Variants in MAN2B2 observed in about 807,000 individuals in gnomAD.
MAN2B2 encodes the protein mannosidase alpha class 2B member 2, also known as epididymis-specific alpha-mannosidase.
MAN2B2 carries 106 observed loss-of-function variants against 117.1 expected under a neutral mutation model. The observed-to-expected ratio is 0.90, with a 90% CI of 0.77 to 1.06. The LOEUF is 1.06. Ranked by LOEUF, MAN2B2 falls within the 50% of genes least tolerant of loss-of-function variation. MAN2B2 has a pLI of 0.00. For missense variants in MAN2B2, 1,326 were observed against 1,381.4 expected, an observed-to-expected ratio of 0.96 and a Z score of 0.64; for synonymous variants, 544 against 595.1, an observed-to-expected ratio of 0.91 and a Z score of 1.25.
chr4:6,587,654 G>A (rs1726686716), intron 4 of MAN2B2, among the ~76,000 whole-genome samples: 3 of 152,006 alleles, frequency 2.0e-5, no homozygotes, highest in Admixed American at 6.5e-5. Context: ...GCCCTTGGGA[G>A]TCCCAGGCCT....
At chr4:6,594,845 T>C in intron 7 of MAN2B2, 113 bp downstream of exon 7, 1 of 1,159,868 alleles carries the variant, frequency 8.6e-7, no homozygotes, top group Non-Finnish European at 1.2e-6. Context: ...CCTGGAGGGG[T>C]TCCAGGCAGG....
At position 6,621,383 on chromosome 4, in the gene MAN2B2, G is replaced by A. The variant is rs1436791009; in HGVS notation, c.*98G>A. ...AAAAGCAGTGCGGAGGGATGGGACT[G>A]GGGAGTCAGCTGCTCATCTGCAGGC... On this transcript the variant is annotated 3_prime_UTR_variant, in exon 19 of 19. Transcript: ENST00000285599. 2 of 935,332 alleles carry A rather than the reference G, an allele frequency of 2.1e-6. No homozygotes were observed. The highest frequency in any genetic ancestry group is 3.3e-5 in the African/African-American group (2 of 59,908). 57.9% of individuals were successfully genotyped at this position (935,332 alleles called of 1,614,324 possible).
rs1456310035 is a variant in MAN2B2, at chr4:6,610,013, G to C, written c.2222G>C (p.Arg741Thr). Residue 741 changes from arginine to threonine, a missense_variant, in exon 13 of 19, where the codon AGG (arginine) becomes ACG (threonine). Physicochemically the swap from Arg to Thr is moderately conservative, Grantham distance 71. Coordinates refer to ENST00000285599, the MANE Select transcript of MAN2B2 (RefSeq NM_015274.3). ...SDNNGYQMQRRPYVSYVNNSI... is the reference protein window; with the variant it reads ...SDNNGYQMQRTPYVSYVNNSI... ...AACAACGGCTACCAGATGCAGCGGA[G>C]GCCCTACGTTTCCTATGTGAACAAC... 1 of 1,614,182 alleles carries C rather than the reference G, an allele frequency of 6.2e-7. No individual in the cohort carries two copies. Among genetic ancestry groups the C allele is most frequent in the South Asian group, 1.1e-5 (1 of 91,090 alleles).
chr4:6,622,907 C>A lies in MAN2B2; in HGVS notation c.*1622C>A. 6.6e-6 allele frequency: 1 copy of A among 152,042 alleles called. No homozygotes were observed. The highest frequency in any genetic ancestry group is 1.5e-5 in the Non-Finnish European group (1 of 68,184). The allele number at this position is 152,042 out of a possible 1,614,324, so 9.4% of individuals were successfully genotyped here. A position where few individuals can be genotyped will look rare whatever the true frequency, so the allele number is the denominator to read the frequency against. ...CTGGTTTGGCCAGGCAGGAGCTGGGCTGGAGTTGCTGACCAAGCAATAGGC... is the reference window on the plus strand; with the variant it reads ...CTGGTTTGGCCAGGCAGGAGCTGGGATGGAGTTGCTGACCAAGCAATAGGC... On this transcript the variant is annotated 3_prime_UTR_variant, in exon 19 of 19. Coordinates refer to ENST00000285599, the MANE Select transcript of MAN2B2 (RefSeq NM_015274.3).
In MAN2B2 at chr4:6,609,229, C is replaced by T. The variant is rs143006156; in HGVS notation, c.1937C>T (p.Ala646Val). 3.2e-5 allele frequency: 51 copies of T among 1,614,114 alleles called. No homozygotes were observed. The highest frequency in any genetic ancestry group is 4.0e-5 in the Non-Finnish European group (47 of 1,180,054). ...LFTPGKAAVP[A>V]WEAVEMEIVA... The stretch of plus-strand genomic sequence containing the variant: ...ACACCGGGCAAGGCCGCGGTGCCTG[C>T]GTGGGAAGCTGTGGAAATGGAGATT... The change falls in exon 12 of 19, where the codon GCG becomes GTG. Residue 646 changes from alanine to valine, a missense_variant. Transcript: ENST00000285599.
intron 5 of MAN2B2, 52 bp from the exon 6 acceptor site, chr4:6,593,121 T>C: frequency 6.3e-7 from 1 of 1,582,048 alleles, no homozygotes; most frequent in Non-Finnish European, 8.6e-7. Context: ...GTGTGAGCCC[T>C]GGCTGTCCAC....
At chr4:6,582,739 G>A (rs1005996649) in intron 3 of MAN2B2, among the ~76,000 whole-genome samples, 1 of 152,046 alleles carries the variant, frequency 6.6e-6, no homozygotes, top group African/African-American at 2.4e-5. Context: ...TTGAACTCCT[G>A]ACCTCAACAT....
chr4:6,619,831 C>T, intron 17 of MAN2B2, 96 bp from the exon 18 acceptor site: 5 of 1,090,644 alleles, frequency 4.6e-6, no homozygotes, highest in Non-Finnish European at 6.8e-6. Context: ...CTGAGGACAC[C>T]GAGTTCGTGG....
chr4:6,612,397 G>A (rs1560662458), intron 15 of MAN2B2, among the ~76,000 whole-genome samples: 1 of 152,234 alleles, frequency 6.6e-6, no homozygotes, highest in Non-Finnish European at 1.5e-5. Flanking sequence ...AGGAGGTCAG[G>A]GATCAGGTCC....
At chr4:6,584,993 G>A (rs973336971) in intron 3 of MAN2B2, among the ~76,000 whole-genome samples, 10 of 152,202 alleles carry the variant, frequency 6.6e-5, no homozygotes, top group Middle Eastern at 3.4e-3. Context: ...CTCTCAGTGC[G>A]GTGCTGTTGC....
intron 18 of MAN2B2, 53 bp from the exon 19 acceptor site, chr4:6,621,135 G>C (rs1712152404): frequency 7.5e-7 from 1 of 1,334,396 alleles, no homozygotes; most frequent in Non-Finnish European, 1.1e-6. Context: ...TGAGAGGGAG[G>C]CTGGGAGGAG....
intron 3 of MAN2B2, among the ~76,000 whole-genome samples, chr4:6,581,122 C>G (rs1039226762): frequency 5.1e-4 from 78 of 152,188 alleles, no homozygotes; most frequent in African/African-American, 1.8e-3. Flanking sequence ...GATGGGTAAT[C>G]TTACAAATGC....
chr4:6,583,063 T>C (rs1726497292), intron 3 of MAN2B2, among the ~76,000 whole-genome samples: 1 of 152,190 alleles, frequency 6.6e-6, no homozygotes, highest in Admixed American at 6.5e-5. Flanking sequence ...GCTTCCATCT[T>C]GATGTTCAGC....
At chr4:6,591,269 C>T (rs1476935778) in intron 5 of MAN2B2, among the ~76,000 whole-genome samples, 1 of 152,230 alleles carries the variant, frequency 6.6e-6, no homozygotes, top group South Asian at 2.1e-4. Flanking sequence ...TCCCGTTCAC[C>T]CCGTGGTGAG....
chr4:6,598,145 T>G, intron 8 of MAN2B2, 53 bp from the exon 9 acceptor site: 2 of 1,580,336 alleles, frequency 1.3e-6, no homozygotes, highest in Non-Finnish European at 1.7e-6. Context: ...TGTAGGTGCT[T>G]TGCAGAGTCA....
rs116754934 is a variant in MAN2B2 at position 6,623,352 on chromosome 4, A to C, written c.*2067A>C. On this transcript the variant is annotated 3_prime_UTR_variant, in exon 19 of 19. Coordinates refer to ENST00000285599, the MANE Select transcript of MAN2B2 (RefSeq NM_015274.3). ...CAAGAGTGAGACTCCGTCTCAAAAA[A>C]AAAAAAAAAAGGAAGACTACGGAGG... 0.96 allele frequency: 142,119 copies of C among 148,474 alleles called. 68,482 individuals are homozygous for C. Among genetic ancestry groups the C allele is most frequent in the South Asian group, 1 (4,732 of 4,736 alleles). 9.2% of individuals were successfully genotyped at this position (148,474 alleles called of 1,614,324 possible).
At chr4:6,592,975 T>A (rs1231068200) in intron 5 of MAN2B2, among the ~76,000 whole-genome samples, 198 bp from the exon 6 acceptor site, 1 of 151,992 alleles carries the variant, frequency 6.6e-6, no homozygotes, top group Admixed American at 6.6e-5. Context: ...AGACCCGGGG[T>A]CTGATGGGCG....
At position 6,584,104 on chromosome 4, in the gene MAN2B2, T is replaced by G. The variant is rs1345474528; in HGVS notation, c.392-2892T>G. Reference sequence around the variant, plus strand: ...CCTCTCCCTAGTGCTGGCTGCCAATTTCTCACTTCTAGAGAGGCAATGTGA... The same window carrying G: ...CCTCTCCCTAGTGCTGGCTGCCAATGTCTCACTTCTAGAGAGGCAATGTGA... On this transcript the variant is annotated intron_variant, in intron 3 of 18. Coordinates refer to ENST00000285599, the MANE Select transcript of MAN2B2 (RefSeq NM_015274.3). Among the ~76,000 whole-genome samples the G allele has an allele frequency of 2.0e-5, 3 of 152,206 alleles. 1 individual carries two copies. Among genetic ancestry groups the G allele is most frequent in the African/African-American group, 7.2e-5 (3 of 41,450 alleles).
chr4:6,583,342 C>A (rs1726513002), intron 3 of MAN2B2, among the ~76,000 whole-genome samples: 1 of 152,174 alleles, frequency 6.6e-6, no homozygotes, highest in Non-Finnish European at 1.5e-5. Flanking sequence ...GTGACCTCTA[C>A]CAGTTGCAAA....
Sources: gnomAD v4.1 joint callset for allele counts (sites outside exome capture counted in the v4.1 genomes callset) on GRCh38, gnomAD v4.1.1 for gene constraint, MANE v1.5 for transcripts, NCBI Gene and HGNC (gene_info 2026-07-23, HGNC 2026-07-21) for gene names.